The following PRKCA variants were observed in gnomAD, a reference collection of about 807,000 sequenced individuals.
PRKCA encodes the protein protein kinase C alpha, also known as protein kinase C alpha type.
A neutral mutation model predicts 87.0 loss-of-function variants in PRKCA; 27 were observed. The ratio of observed to expected loss-of-function variants is 0.31; its 90% CI spans 0.23 to 0.43. The LOEUF (loss-of-function observed/expected upper bound fraction) is 0.43. PRKCA is among the 20% of genes least tolerant of loss of function. The pLI is 1.00. For missense variants in PRKCA, 518 were observed against 852.3 expected (o/e 0.61, Z 4.88); for synonymous variants, 329 against 311.1 (o/e 1.06, Z -0.61).
chr17:66,611,992 G>A (rs1229446566), intron 3 of PRKCA, among the ~76,000 whole-genome samples: 1 of 151,664 alleles, frequency 6.6e-6, no homozygotes, highest in Non-Finnish European at 1.5e-5. Flanking sequence ...TCAAATCCTT[G>A]GTGCATTTTT....
At chr17:66,699,591 C>T (rs1973012730) in intron 8 of PRKCA, among the ~76,000 whole-genome samples, 2 of 152,198 alleles carry the variant, frequency 1.3e-5, no homozygotes, top group African/African-American at 4.8e-5. Context: ...GTGAATGCTA[C>T]CAAACACTTT....
chr17:66,389,536 G>T (rs1910249239), intron 2 of PRKCA, among the ~76,000 whole-genome samples: 1 of 152,316 alleles, frequency 6.6e-6, no homozygotes, highest in South Asian at 2.1e-4. Context: ...TTTCTATGGG[G>T]CCCTCAGATG....
rs189553511 is a variant in PRKCA, at chr17:66,449,615, T to C, written c.206-46586T>C. Among the ~76,000 whole-genome samples, 400 of 152,286 alleles carry C rather than the reference T, an allele frequency of 2.6e-3. 2 individuals carry two copies. Among genetic ancestry groups the C allele is most frequent in the African/African-American group, 9.2e-3 (383 of 41,546 alleles). ...CATGTGAGTCAAGTACAGTTTAGTCTGGAGAAAAGGCCCCTGTGTCTGAAG... is the reference window on the plus strand; with the variant it reads ...CATGTGAGTCAAGTACAGTTTAGTCCGGAGAAAAGGCCCCTGTGTCTGAAG... On this transcript the variant is annotated intron_variant, in intron 2 of 16. Coordinates refer to ENST00000413366, the MANE Select transcript of PRKCA (RefSeq NM_002737.3).
At chr17:66,781,036 G>A (rs948027617) in intron 14 of PRKCA, among the ~76,000 whole-genome samples, 1 of 151,960 alleles carries the variant, frequency 6.6e-6, no homozygotes, top group Non-Finnish European at 1.5e-5. Context: ...TTGAACCCAG[G>A]AGGCAGAGGC....
chr17:66,322,423 T>C (rs1471842683), intron 2 of PRKCA, among the ~76,000 whole-genome samples: 1 of 152,178 alleles, frequency 6.6e-6, no homozygotes, highest in African/African-American at 2.4e-5. Flanking sequence ...GGCTACTGTA[T>C]TGGAAGATTC....
At chr17:66,322,704 C>A (rs552016870) in intron 2 of PRKCA, among the ~76,000 whole-genome samples, 2 of 149,828 alleles carry the variant, frequency 1.3e-5, no homozygotes, top group Admixed American at 1.3e-4. Flanking sequence ...CAGCTCCTGA[C>A]CTCAAGCAAT....
chr17:66,444,185 A>T (rs1047186500), intron 2 of PRKCA, among the ~76,000 whole-genome samples: 1 of 152,190 alleles, frequency 6.6e-6, no homozygotes, highest in Non-Finnish European at 1.5e-5. Context: ...GTTATCAGGA[A>T]TGTGTTTGCT....
chr17:66,747,856 G>T (rs949346576), intron 13 of PRKCA, among the ~76,000 whole-genome samples: 1 of 152,194 alleles, frequency 6.6e-6, no homozygotes, highest in Admixed American at 6.5e-5. Flanking sequence ...TCCCCAGCAC[G>T]TGGGCATCGA....
intron 2 of PRKCA, among the ~76,000 whole-genome samples, chr17:66,472,057 G>A (rs1207447061): frequency 1.3e-5 from 2 of 152,178 alleles, no homozygotes; most frequent in African/African-American, 4.8e-5. Context: ...GAACTCCTGG[G>A]CTCAAGCAGT....
chr17:66,523,129 TC>T (rs1207192317), intron 3 of PRKCA, among the ~76,000 whole-genome samples: 25 of 152,240 alleles, frequency 1.6e-4, no homozygotes, highest in African/African-American at 5.5e-4. Flanking sequence ...TGGGCTTGGG[TC>T]AGGTTCTGGT....
intron 5 of PRKCA, among the ~76,000 whole-genome samples, chr17:66,667,331 C>G (rs1042166546): frequency 6.6e-6 from 1 of 152,178 alleles, no homozygotes; most frequent in Non-Finnish European, 1.5e-5. Context: ...AAAGACATAC[C>G]TGAGACTGGG....
chr17:66,492,661 C>G lies in PRKCA; in HGVS notation c.206-3540C>G, dbSNP rs768042623. ...CCTTTGGTAATTTATCTTTCTTATTCCAGTGGATGAAAGATGACTGTGTGC... is the reference window on the plus strand; with the variant it reads ...CCTTTGGTAATTTATCTTTCTTATTGCAGTGGATGAAAGATGACTGTGTGC... On this transcript the variant is annotated intron_variant, in intron 2 of 16. Coordinates refer to ENST00000413366, the MANE Select transcript of PRKCA (RefSeq NM_002737.3). 3.2e-4 allele frequency among the ~76,000 whole-genome samples: 49 copies of G among 152,306 alleles called. 1 individual carries two copies. Among genetic ancestry groups the G allele is most frequent in the Middle Eastern group, 6.8e-3 (2 of 294 alleles).
At chr17:66,399,244 C>T (rs923358962) in intron 2 of PRKCA, among the ~76,000 whole-genome samples, 4 of 151,706 alleles carry the variant, frequency 2.6e-5, no homozygotes, top group African/African-American at 4.8e-5. Flanking sequence ...ACACCATGCC[C>T]GGCTAATTTT....
At chr17:66,587,358 G>A (rs568664547) in intron 3 of PRKCA, among the ~76,000 whole-genome samples, 2 of 152,122 alleles carry the variant, frequency 1.3e-5, no homozygotes, top group Non-Finnish European at 2.9e-5. Flanking sequence ...ATCATTTTGT[G>A]TTGTTTTACA....
In PRKCA at chr17:66,561,304, A is replaced by G. The variant is rs59010908; in HGVS notation, c.288+65021A>G. Among the ~76,000 whole-genome samples the G allele has an allele frequency of 9.9e-3, 1,504 of 152,282 alleles. 30 individuals carry two copies. Among genetic ancestry groups the G allele is most frequent in the African/African-American group, 0.034 (1,401 of 41,554 alleles). On this transcript the variant is annotated intron_variant, in intron 3 of 16. Coordinates refer to ENST00000413366, the MANE Select transcript of PRKCA (RefSeq NM_002737.3). ...ATTCATTAGCCTGTTTTAATGCATA[A>G]ATCTAACTTCCTTGTCCGTGTGTGA...
At chr17:66,565,356 T>A (rs535346293) in intron 3 of PRKCA, among the ~76,000 whole-genome samples, 1 of 152,208 alleles carries the variant, frequency 6.6e-6, no homozygotes. Flanking sequence ...GCATTGTACC[T>A]TCTCCATTTA....
intron 2 of PRKCA, among the ~76,000 whole-genome samples, chr17:66,346,172 C>T (rs1297687305): frequency 2.6e-5 from 4 of 151,398 alleles, no homozygotes; most frequent in African/African-American, 7.3e-5. Context: ...TCTCAGCTCA[C>T]TGCAACTTCC....
In PRKCA at chr17:66,786,885, G is replaced by A. The variant is rs926571782; in HGVS notation, c.1624G>A (p.Asp542Asn). 1 of 1,614,048 alleles carries A rather than the reference G, an allele frequency of 6.2e-7. No individual in the cohort carries two copies. The highest frequency in any genetic ancestry group is 1.7e-5 in the Admixed American group (1 of 60,024). The change falls in exon 15 of 17, where the codon GAT becomes AAT. Residue 542 changes from aspartate to asparagine, a missense_variant. Transcript: ENST00000413366. Reference sequence around the variant, plus strand: ...GGAACAGCCTCCATTTGATGGTGAAGATGAAGACGAGCTATTTCAGTCTAT... The same window carrying A: ...GGAACAGCCTCCATTTGATGGTGAAAATGAAGACGAGCTATTTCAGTCTAT... ...LAGQPPFDGE[D>N]EDELFQSIME...
rs537439313 is a variant in PRKCA at position 66,618,516 on chromosome 17, A to G, written c.289-22839A>G. ...AACTGTTTTGGGGCCCATTATAATG[A>G]ATTTTTAAAACATCACAATTTTAGA... is the stretch of plus-strand genomic sequence containing the variant. On this transcript the variant is annotated intron_variant, in intron 3 of 16. Transcript: ENST00000413366. 1.5e-3 allele frequency among the ~76,000 whole-genome samples: 236 copies of G among 152,296 alleles called. 5 individuals are homozygous for G. The South Asian group carries it at 0.017, about 11-fold the overall frequency.
Sources: allele counts gnomAD v4.1 joint callset (sites outside exome capture counted in the v4.1 genomes callset), GRCh38; gene constraint gnomAD v4.1.1; transcripts MANE v1.5; gene names NCBI Gene and HGNC (gene_info 2026-07-23, HGNC 2026-07-21).